The following SFMBT1 variants were observed in gnomAD, a reference collection of about 807,000 sequenced individuals.
SFMBT1 encodes scm-like with four MBT domains protein 1.
SFMBT1 carries 32 observed loss-of-function variants against 108.7 expected under a neutral mutation model. The observed-to-expected ratio is 0.29, with a 90% CI of 0.22 to 0.40. The LOEUF (loss-of-function observed/expected upper bound fraction) is 0.40. SFMBT1 is among the 10% of genes least tolerant of loss of function. The probability of loss-of-function intolerance (pLI) is 1.00; values close to 1 mark genes in which losing one functional copy is unlikely to be tolerated. For synonymous variants in SFMBT1, 348 were observed against 369.5 expected, an observed-to-expected ratio of 0.94 and a Z score of 0.67; for missense variants, 816 against 1,059.6, an observed-to-expected ratio of 0.77 and a Z score of 3.19.
chr3:52,965,122 G>A lies in SFMBT1; in HGVS notation c.28+3979C>T, dbSNP rs143792421. The stretch of plus-strand genomic sequence containing the variant: ...AACCTCAGTTAGAAGAGCAAAATGC[G>A]ACATTTTAGGTTGAGACTATTCCCT... On this transcript the variant is annotated intron_variant, in intron 2 of 20. Coordinates refer to ENST00000394752, the MANE Select transcript of SFMBT1 (RefSeq NM_016329.4). 4.8e-3 allele frequency among the ~76,000 whole-genome samples: 724 copies of A among 152,044 alleles called. 5 individuals carry two copies. The highest frequency in any genetic ancestry group is 0.014 in the Middle Eastern group (4 of 294).
At position 52,921,741 on chromosome 3, in the gene SFMBT1, C is replaced by A; in HGVS notation, c.1222G>T (p.Ala408Ser). 6.2e-7 allele frequency: 1 copy of A among 1,614,150 alleles called. No homozygotes were observed. The change falls in exon 11 of 21, where the codon GCA (alanine) becomes TCA (serine). Residue 408 changes from alanine (A) to serine (S), a missense_variant. Ala to Ser is a moderately conservative substitution (Grantham distance 99). This residue lies in a region of SFMBT1 where 495 missense variants were observed against 607.4 expected (regional missense o/e 0.81). Transcript: ENST00000394752. ...PEEVCVATIT[A>S]VRGSYLWLQL... ...AGCCACAGGTAGGAGCCTCTCACTG[C>A]AGTGATGGTAGCAACACACACTTCT...
chr3:52,926,211 T>C, intron 9 of SFMBT1, 98 bp from the exon 10 acceptor site: 1 of 998,350 alleles, frequency 1.0e-6, no homozygotes, highest in Non-Finnish European at 1.5e-6. Context: ...CTTCCAGTGA[T>C]GCTAGTCTGA....
Position 52,939,260 on chromosome 3 carries a change from T to C in SFMBT1, c.364+4093A>G, listed in dbSNP as rs1170102614. On this transcript the variant is annotated intron_variant, in intron 4 of 20. Coordinates refer to ENST00000394752, the MANE Select transcript of SFMBT1 (RefSeq NM_016329.4). The stretch of plus-strand genomic sequence containing the variant: ...TTCAGTATGTATTACAAGGCCTCTT[T>C]TATTTCTGTAAGGTTTACCTGAATT... Among the ~76,000 whole-genome samples the C allele has an allele frequency of 3.3e-5, 5 of 152,202 alleles. No individual in the cohort carries two copies. The East Asian group carries it at 9.6e-4, about 29-fold the overall frequency.
intron 16 of SFMBT1, among the ~76,000 whole-genome samples, chr3:52,912,304 C>T (rs1379437589): frequency 6.6e-6 from 1 of 152,088 alleles, no homozygotes; most frequent in Non-Finnish European, 1.5e-5. Context: ...CCTCAGCCTC[C>T]CAAGTAGCTG....
intron 1 of SFMBT1, among the ~76,000 whole-genome samples, chr3:53,035,276 C>T (rs1209417223): frequency 1.8e-5 from 2 of 111,602 alleles, no homozygotes; most frequent in Admixed American, 9.3e-5. Flanking sequence ...TCAAGGATTC[C>T]GCATGCCTTC....
At chr3:53,033,260 C>T (rs563330796) in intron 1 of SFMBT1, among the ~76,000 whole-genome samples, 3 of 152,016 alleles carry the variant, frequency 2.0e-5, no homozygotes, top group South Asian at 2.1e-4. Context: ...TCCCAGGTTC[C>T]GGCAATTCTC....
chr3:52,961,467 G>A lies in SFMBT1; in HGVS notation c.29-7056C>T, dbSNP rs182425621. On this transcript the variant is annotated intron_variant, in intron 2 of 20. Transcript: ENST00000394752. Reference sequence around the variant, plus strand: ...CTCAGGGGGCTGAAGCAAGAGAACCGCTTGATCCCAGGAGTTCAAGACTGT... The same window carrying A: ...CTCAGGGGGCTGAAGCAAGAGAACCACTTGATCCCAGGAGTTCAAGACTGT... Among the ~76,000 whole-genome samples the A allele has an allele frequency of 2.3e-3, 352 of 151,592 alleles. 1 individual carries two copies. Among genetic ancestry groups the A allele is most frequent in the African/African-American group, 7.3e-3 (302 of 41,314 alleles).
chr3:52,930,874 A>G, intron 7 of SFMBT1, 67 bp downstream of exon 7: 1 of 1,347,584 alleles, frequency 7.4e-7, no homozygotes, highest in Non-Finnish European at 1.1e-6. Context: ...TTACACTTTC[A>G]CCTCCTGCGT....
chr3:53,037,463 C>T (rs1438523881), intron 1 of SFMBT1, among the ~76,000 whole-genome samples: 1 of 152,048 alleles, frequency 6.6e-6, no homozygotes, highest in East Asian at 1.9e-4. Flanking sequence ...AAGAAAACTA[C>T]GTATTTTTAA....
intron 1 of SFMBT1, among the ~76,000 whole-genome samples, chr3:53,014,682 C>G (rs563082389): frequency 2.7e-4 from 41 of 152,208 alleles, no homozygotes; most frequent in African/African-American, 9.9e-4. Flanking sequence ...TCTTTATTTT[C>G]GCAACACAAA....
intron 17 of SFMBT1, 126 bp downstream of exon 17, chr3:52,910,877 T>A: frequency 1.4e-6 from 1 of 719,656 alleles, no homozygotes; most frequent in South Asian, 1.8e-5. Flanking sequence ...ATATTTATCA[T>A]CTGGCCCTTT....
Position 53,022,439 on chromosome 3 carries a change from G to A in SFMBT1, c.-131+23377C>T, listed in dbSNP as rs1407445312. Among the ~76,000 whole-genome samples the A allele has an allele frequency of 2.1e-5, 3 of 144,710 alleles. No individual in the cohort carries two copies. In the East Asian group the frequency reaches 5.9e-4, roughly 29 times the overall value. The allele number at this position is 144,710 out of a possible 152,430, so 94.9% of individuals were successfully genotyped here. ...CACTCCAGCCTGGGCGACAGGGTGA[G>A]GTGCTGTCTCAAAAAAAAAAAAAAA... On this transcript the variant is annotated intron_variant, in intron 1 of 20. Coordinates refer to ENST00000394752, the MANE Select transcript of SFMBT1 (RefSeq NM_016329.4).
intron 1 of SFMBT1, among the ~76,000 whole-genome samples, chr3:53,029,081 G>A (rs1222672721): frequency 6.6e-6 from 1 of 150,672 alleles, no homozygotes; most frequent in Non-Finnish European, 1.5e-5. Flanking sequence ...GCTGAGGCAG[G>A]AGAATGGCAT....
chr3:52,906,108 A>T lies in SFMBT1; in HGVS notation c.2460+5T>A, dbSNP rs376223101. The T allele has an allele frequency of 1.9e-6, 3 of 1,613,998 alleles. No individual in the cohort carries two copies. In the East Asian group the frequency reaches 6.7e-5, roughly 36 times the overall value. On this transcript the variant is annotated splice_donor_5th_base_variant and intron_variant, in intron 20 of 20. Coordinates refer to ENST00000394752, the MANE Select transcript of SFMBT1 (RefSeq NM_016329.4). ...TTACTAAAAATTATAGGTATCTGTG[A>T]TTACCTGGTCTAGGAATATTCTTGC...
chr3:52,915,732 A>G (rs1702328710), intron 14 of SFMBT1, among the ~76,000 whole-genome samples: 1 of 152,172 alleles, frequency 6.6e-6, no homozygotes, highest in Admixed American at 6.5e-5. Context: ...CCATTGCTTT[A>G]TTTTTTTCAC....
intron 4 of SFMBT1, among the ~76,000 whole-genome samples, chr3:52,936,916 CAG>C (rs753138598): frequency 1.7e-5 from 2 of 115,566 alleles, no homozygotes; most frequent in African/African-American, 3.4e-5. Context: ...TTTTTTGAGA[CAG>C]AGTCTTGCTC....
intron 7 of SFMBT1, 124 bp from the exon 8 acceptor site, chr3:52,930,554 A>T (rs1406152658): frequency 1.4e-5 from 9 of 630,256 alleles, no homozygotes; most frequent in Non-Finnish European, 2.2e-5. Context: ...TCTTTTTTTT[A>T]AATGTGCAAA....
chr3:52,911,214 G>C (rs752858008), intron 16 of SFMBT1, 36 bp from the exon 17 acceptor site: 26 of 1,544,994 alleles, frequency 1.7e-5, no homozygotes, highest in Admixed American at 4.2e-5. Context: ...AAATATATTG[G>C]GCTAATGATT....
intron 14 of SFMBT1, 22 bp from the exon 15 acceptor site, chr3:52,913,639 A>G: frequency 6.2e-7 from 1 of 1,612,378 alleles, no homozygotes; most frequent in Non-Finnish European, 8.5e-7. Context: ...AGAAAAACAA[A>G]TATTCAAAAC....
Sources: gnomAD v4.1 joint callset for allele counts (sites outside exome capture counted in the v4.1 genomes callset) on GRCh38, gnomAD v4.1.1 for gene constraint, gnomAD v4.1.1 regional missense constraint, MANE v1.5 for transcripts, NCBI Gene and HGNC (gene_info 2026-07-23, HGNC 2026-07-21) for gene names.